AKAP6: variants seen among roughly 807,000 people sequenced by gnomAD.
The protein encoded by AKAP6 is A-kinase anchor protein 6.
AKAP6 carries 58 observed loss-of-function variants against 188.5 expected under a neutral mutation model. That is an observed-to-expected ratio of 0.31 (90% CI 0.25 to 0.38). AKAP6 has a LOEUF of 0.38. AKAP6 is among the 10% of genes least tolerant of loss of function. The pLI, the probability that AKAP6 is intolerant of heterozygous loss-of-function variation, is 1.00. For missense variants in AKAP6, 2,710 were observed against 2,740.0 expected, an observed-to-expected ratio of 0.99 and a Z score of 0.24; for synonymous variants, 989 against 998.6, an observed-to-expected ratio of 0.99 and a Z score of 0.18.
chr14:32,346,480 A>G (rs1887069402), intron 1 of AKAP6, among the ~76,000 whole-genome samples: 2 of 152,196 alleles, frequency 1.3e-5, no homozygotes, highest in African/African-American at 4.8e-5. Context: ...GTGGGATATG[A>G]AGGATGGAAA....
At chr14:32,541,230 A>G (rs1026616955) in intron 3 of AKAP6, among the ~76,000 whole-genome samples, 1 of 152,094 alleles carries the variant, frequency 6.6e-6, no homozygotes, top group Non-Finnish European at 1.5e-5. Context: ...GTTTTTGAGT[A>G]TGGCGTTTTC....
Position 32,694,253 on chromosome 14 carries a change from C to T in AKAP6, c.2880-1737C>T, listed in dbSNP as rs369390973. On this transcript the variant is annotated intron_variant, in intron 8 of 13. Coordinates refer to ENST00000280979, the MANE Select transcript of AKAP6 (RefSeq NM_004274.5). The stretch of plus-strand genomic sequence containing the variant: ...GTGGGCGCCTGTAGTCCCAGCTACT[C>T]GGGAGGCTGAGGCAGGAGAATGGTG... Among the ~76,000 whole-genome samples the T allele has an allele frequency of 3.3e-5, 5 of 151,616 alleles. No individual in the cohort carries two copies. In the South Asian group the frequency reaches 6.3e-4, roughly 19 times the overall value.
intron 1 of AKAP6, among the ~76,000 whole-genome samples, chr14:32,365,727 C>G (rs1887811023): frequency 1.3e-5 from 2 of 152,130 alleles, no homozygotes; most frequent in Admixed American, 1.3e-4. Context: ...CCAAACTTTG[C>G]CTCAAACCCC....
Position 32,717,933 on chromosome 14 carries a change from C to T in AKAP6, c.3001-14521C>T, listed in dbSNP as rs74355862. Among the ~76,000 whole-genome samples the T allele has an allele frequency of 3.6e-3, 546 of 152,202 alleles. 6 individuals are homozygous for T. The highest frequency in any genetic ancestry group is 0.013 in the African/African-American group (522 of 41,544). On this transcript the variant is annotated intron_variant, in intron 9 of 13. Transcript: ENST00000280979. ...ATGAGCCTACGCCAAATGAATCTGG[C>T]TAAAGAGGTTCAAGAGTAGGGTTCT...
rs187059691 is a variant in AKAP6 at position 32,803,486 on chromosome 14, T to C, written c.3589-17916T>C. On this transcript the variant is annotated intron_variant, in intron 12 of 13. Transcript: ENST00000280979. ...CAGAATTGTAAAATGCATCGTTTTA[T>C]AGAAGAAAAGTTCTTCTAAAAATCC... Among the ~76,000 whole-genome samples the C allele has an allele frequency of 8.7e-3, 1,327 of 152,312 alleles. 11 individuals are homozygous for C. The highest frequency in any genetic ancestry group is 0.014 in the Non-Finnish European group (922 of 68,030).
intron 11 of AKAP6, among the ~76,000 whole-genome samples, chr14:32,737,604 C>G (rs2031489270): frequency 6.6e-6 from 1 of 152,160 alleles, no homozygotes; most frequent in Non-Finnish European, 1.5e-5. Context: ...GGGAAACCCT[C>G]TGCCATGCTC....
At chr14:32,569,710 T>C (rs985360682) in intron 4 of AKAP6, among the ~76,000 whole-genome samples, 6 of 152,226 alleles carry the variant, frequency 3.9e-5, no homozygotes, top group Non-Finnish European at 5.9e-5. Flanking sequence ...TCTCAATGCA[T>C]AATTTTGCTT....
chr14:32,468,921 A>G (rs1456939824), intron 2 of AKAP6, among the ~76,000 whole-genome samples: 5 of 152,192 alleles, frequency 3.3e-5, no homozygotes, highest in Non-Finnish European at 4.4e-5. Flanking sequence ...TTAATAATAT[A>G]TGAATAATAG....
At chr14:32,503,100 T>C (rs997628844) in intron 2 of AKAP6, among the ~76,000 whole-genome samples, 4 of 152,126 alleles carry the variant, frequency 2.6e-5, no homozygotes, top group Non-Finnish European at 4.4e-5. Context: ...CCCCATAGAT[T>C]GTGTTATGAA....
chr14:32,517,407 G>A (rs999266493), intron 2 of AKAP6, among the ~76,000 whole-genome samples: 7 of 152,176 alleles, frequency 4.6e-5, no homozygotes, highest in East Asian at 1.9e-4. Flanking sequence ...TCCAACTGAG[G>A]TACTGGGTTC....
At chr14:32,820,984 A>G (rs1453203504) in intron 12 of AKAP6, among the ~76,000 whole-genome samples, 1 of 144,338 alleles carries the variant, frequency 6.9e-6, no homozygotes, top group Non-Finnish European at 1.5e-5. Context: ...TGCAGATAGT[A>G]TTCTACTATG....
At chr14:32,454,696 C>T (rs1392533900) in intron 2 of AKAP6, among the ~76,000 whole-genome samples, 15 of 40,042 alleles carry the variant, frequency 3.7e-4, no homozygotes, top group African/African-American at 1.5e-3. Context: ...TCCCTCCCTC[C>T]CTCCCTCCCT....
At chr14:32,694,651 A>T (rs907834882) in intron 8 of AKAP6, among the ~76,000 whole-genome samples, 1 of 152,204 alleles carries the variant, frequency 6.6e-6, no homozygotes, top group Admixed American at 6.5e-5. Flanking sequence ...TTGGGTGCTT[A>T]TAGTTCTAAT....
At chr14:32,497,000 T>C (rs908333515) in intron 2 of AKAP6, among the ~76,000 whole-genome samples, 24 of 152,286 alleles carry the variant, frequency 1.6e-4, no homozygotes, top group African/African-American at 4.3e-4. Context: ...AAAGAACTTA[T>C]GTTTCTGCCA....
chr14:32,588,609 T>A (rs1301446659), intron 5 of AKAP6, among the ~76,000 whole-genome samples: 6 of 152,204 alleles, frequency 3.9e-5, no homozygotes, highest in Non-Finnish European at 7.3e-5. Flanking sequence ...TTGTTGTTCC[T>A]TTTAAGATTG....
chr14:32,435,903 G>T (rs778714571), intron 2 of AKAP6, among the ~76,000 whole-genome samples: 2 of 152,062 alleles, frequency 1.3e-5, no homozygotes, highest in Non-Finnish European at 2.9e-5. Flanking sequence ...TCTTTTATTC[G>T]TATAATATTT....
chr14:32,494,099 A>G (rs1880183229), intron 2 of AKAP6, among the ~76,000 whole-genome samples: 2 of 152,192 alleles, frequency 1.3e-5, no homozygotes, highest in Admixed American at 1.3e-4. Context: ...TCCATTCACG[A>G]CAGATTAATT....
At chr14:32,685,565 A>G (rs969365548) in intron 8 of AKAP6, among the ~76,000 whole-genome samples, 1 of 151,902 alleles carries the variant, frequency 6.6e-6, no homozygotes, top group African/African-American at 2.4e-5. Context: ...TCTACTAAAC[A>G]TACAAAAAAT....
intron 7 of AKAP6, among the ~76,000 whole-genome samples, chr14:32,657,164 T>C (rs1888489402): frequency 6.6e-6 from 1 of 152,106 alleles, no homozygotes; most frequent in Non-Finnish European, 1.5e-5. Context: ...TGATTTGACA[T>C]AGGGAAAAAG....
Sources: gnomAD v4.1 joint callset for allele counts (sites outside exome capture counted in the v4.1 genomes callset) on GRCh38, gnomAD v4.1.1 for gene constraint, MANE v1.5 for transcripts, NCBI Gene and HGNC (gene_info 2026-07-23, HGNC 2026-07-21) for gene names.